The following FAM217B variants were observed in gnomAD, a reference collection of about 807,000 sequenced individuals.
FAM217B encodes protein FAM217B.
For synonymous variants in FAM217B, 163 were observed against 173.0 expected (o/e 0.94, Z 0.45); for missense variants, 463 against 456.9 (o/e 1.01, Z -0.12).
At chr20:59,941,471 T>C (rs986460422) in intron 1 of FAM217B, among the ~76,000 whole-genome samples, 7 of 152,360 alleles carry the variant, frequency 4.6e-5, no homozygotes, top group Admixed American at 3.9e-4. Flanking sequence ...AAAAATCTTC[T>C]ATAATCATCT....
chr20:59,939,139 C>T (rs778759736), upstream of FAM217B: 3 of 1,603,496 alleles, frequency 1.9e-6, no homozygotes, highest in Non-Finnish European at 2.6e-6. Flanking sequence ...TCCCAGTACT[C>T]GGCACCCGCC....
At chr20:59,941,741 G>A (rs1026124200) in intron 1 of FAM217B, among the ~76,000 whole-genome samples, 1 of 152,216 alleles carries the variant, frequency 6.6e-6, no homozygotes, top group South Asian at 2.1e-4. Context: ...TCTGAACAGG[G>A]ACGTGCATAA....
intron 1 of FAM217B, chr20:59,933,904 G>A (rs1447483960): frequency 3.9e-5 from 6 of 152,398 alleles, no homozygotes; most frequent in Non-Finnish European, 8.8e-5. Context: ...CTCGCGCTAT[G>A]CTCTCCTGAT....
chr20:59,941,250 G>A (rs1056629883), intron 1 of FAM217B, among the ~76,000 whole-genome samples: 1 of 152,198 alleles, frequency 6.6e-6, no homozygotes, highest in Non-Finnish European at 1.5e-5. Flanking sequence ...CCTTTTTATT[G>A]TCCAGAGGGA....
At chr20:59,936,069 C>CCTCAGGTATAT (rs1344131488), upstream of FAM217B, among the ~76,000 whole-genome samples, 4 of 152,194 alleles carry the variant, frequency 2.6e-5, no homozygotes, top group African/African-American at 9.7e-5. Context: ...CTACTACACA[C>CCTCAGGTATAT]CTCAGGTATA....
At chr20:59,939,331 C>G (rs766226789), upstream of FAM217B, 26 of 1,611,452 alleles carry the variant, frequency 1.6e-5, no homozygotes, top group South Asian at 2.0e-4. Context: ...ACCTGCTTCT[C>G]GAAGGCCACG....
rs2060946207 is a variant in FAM217B, at chr20:59,947,871, T to C, written c.*2776T>C. The C allele has an allele frequency of 6.0e-6, 1 of 166,976 alleles. No individual in the cohort carries two copies. Among genetic ancestry groups the C allele is most frequent in the Non-Finnish European group, 1.5e-5 (1 of 68,110 alleles). The allele number at this position is 166,976 out of a possible 1,614,324, so 10.3% of individuals were successfully genotyped here. On this transcript the variant is annotated 3_prime_UTR_variant, in exon 4 of 4. Coordinates refer to ENST00000360816, the MANE Select transcript of FAM217B (RefSeq NM_022106.3). The stretch of plus-strand genomic sequence containing the variant: ...TTGCTATTTTTCAAGTAGACAACAT[T>C]AGAAAGTTGAATCATGAACTCATTC...
At position 59,940,969 on chromosome 20, in the gene FAM217B, T is replaced by C. The variant is rs141364066; in HGVS notation, c.-203+434T>C. On this transcript the variant is annotated intron_variant, in intron 1 of 3. Transcript: ENST00000360816. ...CGCTGATGACTTCTGCAGCTGCCCTTAATCAGCCTCTGGCGCTTGGGGAGC... is the reference window on the plus strand; with the variant it reads ...CGCTGATGACTTCTGCAGCTGCCCTCAATCAGCCTCTGGCGCTTGGGGAGC... 1.5e-3 allele frequency among the ~76,000 whole-genome samples: 231 copies of C among 152,322 alleles called. 2 individuals are homozygous for C. The highest frequency in any genetic ancestry group is 5.3e-3 in the African/African-American group (222 of 41,578).
chr20:59,941,525 C>T (rs1385394353), intron 1 of FAM217B, among the ~76,000 whole-genome samples: 2 of 152,052 alleles, frequency 1.3e-5, no homozygotes, highest in African/African-American at 4.8e-5. Flanking sequence ...GAGAAGTATC[C>T]AATTTCCATT....
rs200057708 is a variant in FAM217B at position 59,944,351 on chromosome 20, A to C, written c.408A>C (p.Thr136=). ...ATCTTCACCCTGGTCAGGGCCATAC[A>C]AAACCTGAATACTATTATCCTAATT... ...YFDLHPGQGH[T]KPEYYYPNFL... is the part of the protein sequence containing the mutation. Residue 136 remains threonine, a synonymous_variant, in exon 4 of 4, where the codon ACA becomes ACC. Transcript: ENST00000360816. 2 of 1,614,048 alleles carry C rather than the reference A, an allele frequency of 1.2e-6. No homozygotes were observed. The highest frequency in any genetic ancestry group is 1.7e-6 in the Non-Finnish European group (2 of 1,180,044).
At chr20:59,940,865 G>T (rs2060900479) in intron 1 of FAM217B, among the ~76,000 whole-genome samples, 1 of 152,320 alleles carries the variant, frequency 6.6e-6, no homozygotes, top group African/African-American at 2.4e-5. Context: ...ATTCCCTTGA[G>T]GGTGGGGAGG....
chr20:59,940,062 G>A, upstream of FAM217B: 1 of 724,862 alleles, frequency 1.4e-6, no homozygotes, highest in Non-Finnish European at 1.9e-6. Flanking sequence ...TCTCGGGCCC[G>A]GTGCGCCCTA....
At chr20:59,934,070 C>T (rs1196520717) in intron 1 of FAM217B, among the ~76,000 whole-genome samples, 2 of 152,144 alleles carry the variant, frequency 1.3e-5, no homozygotes, top group African/African-American at 2.4e-5. Flanking sequence ...GTCCCCAGAG[C>T]CACTGGGACC....
At chr20:59,941,266 C>A (rs762352494) in intron 1 of FAM217B, among the ~76,000 whole-genome samples, 1 of 152,272 alleles carries the variant, frequency 6.6e-6, no homozygotes, top group African/African-American at 2.4e-5. Flanking sequence ...AGGGACAAAG[C>A]AGAAAGAAAA....
chr20:59,937,100 T>C (rs1262522314), upstream of FAM217B: 1 of 152,630 alleles, frequency 6.6e-6, no homozygotes, highest in Non-Finnish European at 1.5e-5. Flanking sequence ...ATTAAATATA[T>C]AACATTCACT....
At chr20:59,939,670 C>G (rs781129324), upstream of FAM217B, 4 of 1,462,690 alleles carry the variant, frequency 2.7e-6, no homozygotes, top group East Asian at 5.6e-5. Context: ...GCGCCCGGCG[C>G]GCCCGCGGCC....
At position 59,947,113 on chromosome 20, in the gene FAM217B, G is replaced by C. The variant is rs1192827534; in HGVS notation, c.*2018G>C. On this transcript the variant is annotated 3_prime_UTR_variant, in exon 4 of 4. Transcript: ENST00000360816. ...CTGCCTTTCCCCGTCATGTATCCAT[G>C]TGCATGCTCTTAGAGACCTTGAATG... is the stretch of plus-strand genomic sequence containing the variant. 1 of 167,120 alleles carries C rather than the reference G, an allele frequency of 6.0e-6. No homozygotes were observed. The highest frequency in any genetic ancestry group is 1.9e-4 in the East Asian group (1 of 5,198). 10.4% of individuals were successfully genotyped at this position (167,120 alleles called of 1,614,324 possible). A position where few individuals can be genotyped will look rare whatever the true frequency, so the allele number is the denominator to read the frequency against.
chr20:59,936,767 A>C (rs1364087404), upstream of FAM217B: 1 of 152,258 alleles, frequency 6.6e-6, no homozygotes, highest in Non-Finnish European at 1.5e-5. Context: ...AAGTTTCTAA[A>C]GCTTGGTCTT....
chr20:59,947,678 C>G lies in FAM217B; in HGVS notation c.*2583C>G, dbSNP rs956656039. ...TTGTTTACTTTCTGCCTCAGATTGA[C>G]TATTTTAACCAATATTGTCACGACT... On this transcript the variant is annotated 3_prime_UTR_variant, in exon 4 of 4. Coordinates refer to ENST00000360816, the MANE Select transcript of FAM217B (RefSeq NM_022106.3). 1.2e-5 allele frequency: 2 copies of G among 167,008 alleles called. No individual in the cohort carries two copies. The highest frequency in any genetic ancestry group is 2.4e-5 in the African/African-American group (1 of 41,410). The allele number at this position is 167,008 out of a possible 1,614,324, so 10.3% of individuals were successfully genotyped here. A position where few individuals can be genotyped will look rare whatever the true frequency, so the allele number is the denominator to read the frequency against.
Sources: allele counts gnomAD v4.1 joint callset (sites outside exome capture counted in the v4.1 genomes callset), GRCh38; gene constraint gnomAD v4.1.1; transcripts MANE v1.5; gene names NCBI Gene and HGNC (gene_info 2026-07-23, HGNC 2026-07-21).